UIMC1: variants seen among roughly 807,000 people sequenced by gnomAD.
UIMC1 encodes ubiquitin interaction motif containing 1.
Under a neutral mutation model 84.9 loss-of-function variants are expected in UIMC1, and 42 were observed. The observed-to-expected ratio is 0.49, with a 90% confidence interval of 0.39 to 0.64. The LOEUF is 0.64. UIMC1 is among the 30% of genes least tolerant of loss of function. The pLI is 0.00. For synonymous variants in UIMC1, 281 were observed against 293.0 expected, an observed-to-expected ratio of 0.96 and a Z score of 0.42; for missense variants, 825 against 847.6, an observed-to-expected ratio of 0.97 and a Z score of 0.33.
chr5:176,938,632 T>G (rs1366110060), intron 10 of UIMC1, among the ~76,000 whole-genome samples: 1 of 152,116 alleles, frequency 6.6e-6, no homozygotes, highest in Non-Finnish European at 1.5e-5. Context: ...TATTGTTTAG[T>G]GGCCATTTCC....
At chr5:176,973,000 C>G (rs773212981) in intron 3 of UIMC1, among the ~76,000 whole-genome samples, 1 of 150,534 alleles carries the variant, frequency 6.6e-6, no homozygotes, top group African/African-American at 2.4e-5. Context: ...ACTGCAACCT[C>G]TGCCTCCCAG....
At chr5:176,969,824 T>C (rs1581584014) in intron 4 of UIMC1, 118 bp from the exon 5 acceptor site, 3 of 787,202 alleles carry the variant, frequency 3.8e-6, no homozygotes, top group Admixed American at 2.6e-5. Flanking sequence ...TTCTAAAATG[T>C]AAATGGCTCA....
intron 10 of UIMC1, among the ~76,000 whole-genome samples, chr5:176,927,833 C>T (rs1478851937): frequency 6.6e-6 from 1 of 151,058 alleles, no homozygotes; most frequent in East Asian, 1.9e-4. Flanking sequence ...ATTGGCAAAC[C>T]ATGGGATGGC....
intron 2 of UIMC1, among the ~76,000 whole-genome samples, chr5:176,979,917 C>A (rs893591084): frequency 2.6e-5 from 4 of 152,128 alleles, no homozygotes; most frequent in Non-Finnish European, 5.9e-5. Context: ...GAGTGTCAGT[C>A]TGAGTGACTA....
chr5:176,973,421 A>G lies in UIMC1; in HGVS notation c.232+1975T>C, dbSNP rs922581538. ...GGGGATGGCAGTGGTTAGAGGGAAAAATAGTCTAAAAAGGCACCTCAGGAG... is the reference window on the plus strand; with the variant it reads ...GGGGATGGCAGTGGTTAGAGGGAAAGATAGTCTAAAAAGGCACCTCAGGAG... On this transcript the variant is annotated intron_variant, in intron 3 of 14. Transcript: ENST00000511320. 7.9e-5 allele frequency among the ~76,000 whole-genome samples: 12 copies of G among 152,064 alleles called. No individual in the cohort carries two copies. The East Asian group carries it at 2.3e-3, about 29-fold the overall frequency.
In UIMC1 at chr5:176,967,681, T is replaced by C. The variant is rs181846226; in HGVS notation, c.1200+874A>G. Among the ~76,000 whole-genome samples the C allele has an allele frequency of 7.9e-5, 12 of 152,278 alleles. No individual in the cohort carries two copies. The East Asian group carries it at 2.3e-3, about 29-fold the overall frequency. On this transcript the variant is annotated intron_variant, in intron 6 of 14. Transcript: ENST00000511320. ...ACTTCAGGAGAACAAGGTAGGTGGA[T>C]GGCTTGAGTACAGGAGTTCGAGACC...
At chr5:176,934,335 C>A (rs958883353) in intron 10 of UIMC1, among the ~76,000 whole-genome samples, 5 of 152,138 alleles carry the variant, frequency 3.3e-5, no homozygotes, top group African/African-American at 1.2e-4. Context: ...AGAATAAGCT[C>A]AAATTCCATG....
At chr5:176,971,013 C>A (rs1769121895) in intron 3 of UIMC1, 147 bp from the exon 4 acceptor site, 3 of 1,178,248 alleles carry the variant, frequency 2.5e-6, no homozygotes, top group Non-Finnish European at 3.5e-6. Context: ...GAGGAAAACC[C>A]CAGAAGGAAA....
chr5:176,969,795 C>T lies in UIMC1; in HGVS notation c.358-89G>A. ...CAGGAAGGACAAAATGGGAGGCCACCGTTCATAAGACTTTCTCTTTCTAAA... is the reference window on the plus strand; with the variant it reads ...CAGGAAGGACAAAATGGGAGGCCACTGTTCATAAGACTTTCTCTTTCTAAA... On this transcript the variant is annotated intron_variant, in intron 4 of 14. Transcript: ENST00000511320. The T allele has an allele frequency of 8.7e-6, 9 of 1,031,636 alleles. No individual in the cohort carries two copies. The East Asian group carries it at 1.0e-4, about 12-fold the overall frequency. 63.9% of individuals were successfully genotyped at this position (1,031,636 alleles called of 1,614,324 possible).
chr5:177,004,909 T>C (rs1775047003), intron 1 of UIMC1, among the ~76,000 whole-genome samples: 1 of 152,152 alleles, frequency 6.6e-6, no homozygotes, highest in Non-Finnish European at 1.5e-5. Context: ...TACCTAGCAC[T>C]TTCTTTATTT....
intron 7 of UIMC1, among the ~76,000 whole-genome samples, chr5:176,956,956 G>A (rs1766684989): frequency 6.6e-6 from 1 of 151,816 alleles, no homozygotes; most frequent in Non-Finnish European, 1.5e-5. Context: ...CTATTCAAAG[G>A]GTCCATCACA....
chr5:177,010,546 CT>C (rs917155005), upstream of UIMC1, among the ~76,000 whole-genome samples: 37 of 147,134 alleles, frequency 2.5e-4, no homozygotes, highest in Admixed American at 4.1e-4. Context: ...ATAGAGGATA[CT>C]TTTTTTTTTT....
chr5:176,935,918 C>T (rs1354341018), intron 10 of UIMC1, among the ~76,000 whole-genome samples: 1 of 152,144 alleles, frequency 6.6e-6, no homozygotes, highest in Non-Finnish European at 1.5e-5. Flanking sequence ...AAGAGAAAGT[C>T]CACTCCTAGC....
chr5:176,977,241 A>AAAAAAAAAAG (rs758737146), intron 2 of UIMC1, among the ~76,000 whole-genome samples: 2 of 147,066 alleles, frequency 1.4e-5, no homozygotes, highest in African/African-American at 2.6e-5. Context: ...AAAAAAAAAA[A>AAAAAAAAAAG]GAGAGAGAGA....
chr5:176,986,081 T>C (rs540930089), intron 1 of UIMC1, among the ~76,000 whole-genome samples: 83 of 151,772 alleles, frequency 5.5e-4, no homozygotes, highest in African/African-American at 2.0e-3. Flanking sequence ...TTTTTTTTTT[T>C]GTAGAGACAA....
chr5:176,970,656 C>T lies in UIMC1; in HGVS notation c.357+86G>A, dbSNP rs768230814. ...GTGAAAACCCTATAAATGACTACAG[C>T]TAGTTCCTAATGCAACTACAACACC... is the stretch of plus-strand genomic sequence containing the variant. On this transcript the variant is annotated intron_variant, in intron 4 of 14. Transcript: ENST00000511320. The T allele has an allele frequency of 3.7e-5, 59 of 1,586,516 alleles. No homozygotes were observed. In the East Asian group the frequency reaches 9.6e-4, roughly 26 times the overall value.
At chr5:176,989,652 G>A (rs1216916795) in intron 1 of UIMC1, among the ~76,000 whole-genome samples, 1 of 149,588 alleles carries the variant, frequency 6.7e-6, no homozygotes, top group Non-Finnish European at 1.5e-5. Context: ...CCAAGACCCT[G>A]CCTCAAAAAA....
At position 176,969,356 on chromosome 5, in the gene UIMC1, TATCA is replaced by T. The variant is rs1270323003; in HGVS notation, c.464-69_464-66del. On this transcript the variant is annotated intron_variant, in intron 5 of 14. Coordinates refer to ENST00000511320, the MANE Select transcript of UIMC1 (RefSeq NM_001199298.2). ...TTTTTATTAAGAGGGCTTGGTAAGT[TATCA>T]CTTACCAAGAATTACATAATATGGG... is the stretch of plus-strand genomic sequence containing the variant. 4.6e-6 allele frequency: 7 copies of T among 1,519,882 alleles called. No homozygotes were observed. The East Asian group carries it at 1.6e-4, about 34-fold the overall frequency. 94.1% of individuals were successfully genotyped at this position (1,519,882 alleles called of 1,614,324 possible). A position where few individuals can be genotyped will look rare whatever the true frequency, so the allele number is the denominator to read the frequency against.
intron 1 of UIMC1, among the ~76,000 whole-genome samples, chr5:177,016,186 G>A (rs960082711): frequency 4.0e-5 from 6 of 151,768 alleles, no homozygotes; most frequent in Non-Finnish European, 8.8e-5. Context: ...CCAACATGGT[G>A]AAACCCCGTC....
Sources: allele counts gnomAD v4.1 joint callset (sites outside exome capture counted in the v4.1 genomes callset), GRCh38; gene constraint gnomAD v4.1.1; transcripts MANE v1.5; gene names NCBI Gene and HGNC (gene_info 2026-07-23, HGNC 2026-07-21).